Variants in SETBP1 observed in about 807,000 individuals in gnomAD.
SETBP1 encodes the protein SET binding protein 1, also known as SET-binding protein.
A neutral mutation model predicts 101.0 loss-of-function variants in SETBP1; 9 were observed. The observed-to-expected ratio is 0.09, with a 90% CI of 0.05 to 0.16. The LOEUF (loss-of-function observed/expected upper bound fraction) is 0.16. Ranked by LOEUF, SETBP1 falls within the 10% of genes least tolerant of loss-of-function variation. The probability of loss-of-function intolerance (pLI) is 1.00; values close to 1 mark genes in which losing one functional copy is unlikely to be tolerated. For missense variants in SETBP1, 1,858 were observed against 2,033.8 expected (o/e 0.91, Z 1.66); for synonymous variants, 818 against 788.5 (o/e 1.04, Z -0.63).
chr18:44,885,944 A>G (rs1273926826), intron 3 of SETBP1, among the ~76,000 whole-genome samples: 1 of 150,742 alleles, frequency 6.6e-6, no homozygotes, highest in African/African-American at 2.4e-5. Flanking sequence ...CTTATATTCA[A>G]TGCAGTTTAT....
At chr18:44,695,371 C>A (rs2068998082) in intron 1 of SETBP1, among the ~76,000 whole-genome samples, 1 of 152,220 alleles carries the variant, frequency 6.6e-6, no homozygotes, top group South Asian at 2.1e-4. Context: ...CCACACTACA[C>A]TCATTTTGTC....
At chr18:44,936,025 A>C (rs1186291480) in intron 3 of SETBP1, among the ~76,000 whole-genome samples, 3 of 152,232 alleles carry the variant, frequency 2.0e-5, no homozygotes, top group Admixed American at 6.5e-5. Context: ...AGTGAAGAAT[A>C]GCTAAAACAT....
intron 2 of SETBP1, among the ~76,000 whole-genome samples, chr18:44,862,108 G>C (rs1418025506): frequency 6.6e-6 from 1 of 152,136 alleles, no homozygotes; most frequent in Non-Finnish European, 1.5e-5. Flanking sequence ...ACACACCACT[G>C]TAAGAGTATG....
intron 2 of SETBP1, among the ~76,000 whole-genome samples, chr18:44,838,688 T>C (rs1385237213): frequency 1.3e-5 from 2 of 152,162 alleles, no homozygotes; most frequent in Non-Finnish European, 2.9e-5. Context: ...CTCCAACCAA[T>C]GGGGTATGGG....
intron 2 of SETBP1, among the ~76,000 whole-genome samples, chr18:44,810,917 CAT>C (rs1409843488): frequency 6.6e-6 from 1 of 152,186 alleles, no homozygotes; most frequent in Non-Finnish European, 1.5e-5. Flanking sequence ...CACATATGAA[CAT>C]ATGCATTTTC....
At chr18:44,902,232 T>TTCTCTCTC (rs58150833) in intron 3 of SETBP1, among the ~76,000 whole-genome samples, 1 of 149,606 alleles carries the variant, frequency 6.7e-6, no homozygotes, top group Non-Finnish European at 1.5e-5. Flanking sequence ...ATCTCTCTCT[T>TTCTCTCTC]TCTCTCTCTC....
chr18:44,789,741 C>G (rs1449983072), intron 2 of SETBP1, among the ~76,000 whole-genome samples: 1 of 152,198 alleles, frequency 6.6e-6, no homozygotes, highest in Admixed American at 6.5e-5. Flanking sequence ...GGATATTGTG[C>G]TTTTAGTAAA....
At chr18:44,708,738 AAAAAGAAAAG>A (rs72194346) in intron 2 of SETBP1, among the ~76,000 whole-genome samples, 110,492 of 150,850 alleles carry the variant, frequency 0.73, 40,884 homozygotes, top group African/African-American at 0.82. Flanking sequence ...CATGTTCAAA[AAAAAGAAAAG>A]AAAAGAAAAG....
chr18:44,820,420 G>C (rs1288701181), intron 2 of SETBP1, among the ~76,000 whole-genome samples: 2 of 152,170 alleles, frequency 1.3e-5, no homozygotes, highest in Non-Finnish European at 2.9e-5. Context: ...AGCACCTGCT[G>C]GTCCTCTATG....
chr18:44,703,055 T>A (rs1599009033), intron 2 of SETBP1, among the ~76,000 whole-genome samples: 1 of 152,232 alleles, frequency 6.6e-6, no homozygotes, highest in African/African-American at 2.4e-5. Context: ...TACAGTGACC[T>A]CCCTTCCTGT....
chr18:45,019,265 A>G (rs2073009845), intron 4 of SETBP1, among the ~76,000 whole-genome samples: 1 of 152,204 alleles, frequency 6.6e-6, no homozygotes, highest in Non-Finnish European at 1.5e-5. Flanking sequence ...ATAATGTTTT[A>G]CTGTCAGGTT....
intron 2 of SETBP1, among the ~76,000 whole-genome samples, chr18:44,761,053 T>C (rs1184193028): frequency 6.6e-6 from 1 of 152,222 alleles, no homozygotes; most frequent in East Asian, 1.9e-4. Flanking sequence ...AACTTTTACA[T>C]TGAGGTCATC....
chr18:44,833,760 C>G (rs2072429755), intron 2 of SETBP1, among the ~76,000 whole-genome samples: 1 of 152,162 alleles, frequency 6.6e-6, no homozygotes, highest in Non-Finnish European at 1.5e-5. Context: ...TCCAAGCTCC[C>G]CTGGCTCATA....
At chr18:44,823,314 A>C (rs2072159527) in intron 2 of SETBP1, among the ~76,000 whole-genome samples, 1 of 152,252 alleles carries the variant, frequency 6.6e-6, no homozygotes, top group South Asian at 2.1e-4. Flanking sequence ...GTTTTCTTAC[A>C]GGTGATACTA....
intron 1 of SETBP1, among the ~76,000 whole-genome samples, chr18:44,699,969 T>A (rs1197029129): frequency 6.6e-6 from 1 of 152,160 alleles, no homozygotes; most frequent in Non-Finnish European, 1.5e-5. Flanking sequence ...ATTGATGGGC[T>A]CAGAGGTAGA....
At position 44,900,744 on chromosome 18, in the gene SETBP1, C is replaced by T. The variant is rs148674699; in HGVS notation, c.540+31461C>T. The stretch of plus-strand genomic sequence containing the variant: ...GGTCCCAGTACTGTTTTAACCAGCC[C>T]TCCCGGTGATTCTGAGCACACACTA... On this transcript the variant is annotated intron_variant, in intron 3 of 5. Coordinates refer to ENST00000649279, the MANE Select transcript of SETBP1 (RefSeq NM_015559.3). 9.0e-4 allele frequency among the ~76,000 whole-genome samples: 137 copies of T among 152,250 alleles called. 1 individual carries two copies. The East Asian group carries it at 0.024, about 27-fold the overall frequency.
At chr18:44,693,812 G>A (rs1222134055) in intron 1 of SETBP1, among the ~76,000 whole-genome samples, 1 of 152,186 alleles carries the variant, frequency 6.6e-6, no homozygotes, top group Admixed American at 6.5e-5. Flanking sequence ...AACCAGAAAA[G>A]CAGGCAGTCA....
chr18:44,868,712 GAGGAAGGAAGGA>G (rs67399583), intron 2 of SETBP1, among the ~76,000 whole-genome samples: 3,386 of 27,784 alleles, frequency 0.12, 237 homozygotes, highest in Non-Finnish European at 0.17. Context: ...GGAAGGAAGG[GAGGAAGGAAGGA>G]AGGAAGGAAG....
intron 2 of SETBP1, among the ~76,000 whole-genome samples, chr18:44,868,209 C>CT (rs1215760353): frequency 1.3e-5 from 2 of 152,126 alleles, no homozygotes; most frequent in Non-Finnish European, 2.9e-5. Flanking sequence ...GTACATATAA[C>CT]TGACTTTTAT....
Sources: gnomAD v4.1 joint callset for allele counts (sites outside exome capture counted in the v4.1 genomes callset) on GRCh38, gnomAD v4.1.1 for gene constraint, MANE v1.5 for transcripts, NCBI Gene and HGNC (gene_info 2026-07-23, HGNC 2026-07-21) for gene names.